DLG2: variants seen among roughly 807,000 people sequenced by gnomAD.
The protein encoded by DLG2 is discs large MAGUK scaffold protein 2.
Under a neutral mutation model 132.5 loss-of-function variants are expected in DLG2, and 45 were observed. The ratio of observed to expected loss-of-function variants is 0.34; its 90% confidence interval spans 0.27 to 0.44. The LOEUF (loss-of-function observed/expected upper bound fraction) is 0.44, where lower values mean the gene tolerates loss of function less well. Ranked by LOEUF, DLG2 falls within the 20% of genes least tolerant of loss-of-function variation. DLG2 has a pLI of 1.00. For missense variants in DLG2, 1,045 were observed against 1,196.9 expected, an observed-to-expected ratio of 0.87 and a Z score of 1.87; for synonymous variants, 424 against 419.6, an observed-to-expected ratio of 1.01 and a Z score of -0.13.
At chr11:84,449,300 C>T (rs866863409) in intron 7 of DLG2, among the ~76,000 whole-genome samples, 3 of 151,746 alleles carry the variant, frequency 2.0e-5, no homozygotes, top group Admixed American at 6.6e-5. Flanking sequence ...ACATACAAAT[C>T]ATTTCATTTT....
At chr11:84,131,748 A>T (rs1178355046) in intron 9 of DLG2, among the ~76,000 whole-genome samples, 1 of 151,806 alleles carries the variant, frequency 6.6e-6, no homozygotes, top group Non-Finnish European at 1.5e-5. Flanking sequence ...CCAACAAAAA[A>T]CCCAAACAGT....
intron 16 of DLG2, among the ~76,000 whole-genome samples, chr11:83,849,634 A>C (rs899097449): frequency 3.9e-5 from 6 of 152,154 alleles, no homozygotes; most frequent in African/African-American, 1.4e-4. Flanking sequence ...TTAATTACAC[A>C]GGAAAACATG....
In DLG2 at chr11:84,528,213, T is replaced by C. The variant is rs1216364109; in HGVS notation, c.519+6357A>G. On this transcript the variant is annotated intron_variant, in intron 7 of 27. Coordinates refer to ENST00000376104, the MANE Select transcript of DLG2 (RefSeq NM_001142699.3). ...TTGTGGTTTATTATAGGCCAATTTC[T>C]TTTATGAAAGATTCTAGGTAGCATC... Among the ~76,000 whole-genome samples, 3 of 152,166 alleles carry C rather than the reference T, an allele frequency of 2.0e-5. No individual in the cohort carries two copies. The East Asian group carries it at 5.8e-4, about 29-fold the overall frequency.
At chr11:85,408,393 T>C (rs2088974814) in intron 3 of DLG2, among the ~76,000 whole-genome samples, 1 of 149,182 alleles carries the variant, frequency 6.7e-6, no homozygotes, top group Non-Finnish European at 1.5e-5. Flanking sequence ...CTATTATTTT[T>C]ATTATTATTA....
intron 3 of DLG2, among the ~76,000 whole-genome samples, chr11:85,464,569 T>C (rs2092720225): frequency 1.3e-5 from 2 of 151,994 alleles, no homozygotes; most frequent in Admixed American, 1.3e-4. Flanking sequence ...AAAAACAATC[T>C]TAGGTACTAT....
intron 6 of DLG2, among the ~76,000 whole-genome samples, chr11:84,991,462 T>C (rs1332777953): frequency 7.5e-6 from 1 of 132,684 alleles, no homozygotes; most frequent in Admixed American, 8.7e-5. Context: ...TGAGCCATGA[T>C]CACACCACTA....
chr11:85,271,946 T>G (rs2077559756), intron 4 of DLG2, among the ~76,000 whole-genome samples: 1 of 152,182 alleles, frequency 6.6e-6, no homozygotes, highest in African/African-American at 2.4e-5. Context: ...GGGAGACTTT[T>G]GGGAAGGCAT....
intron 6 of DLG2, among the ~76,000 whole-genome samples, chr11:85,051,954 TATCA>T (rs1247801790): frequency 3.9e-5 from 6 of 152,266 alleles, no homozygotes; most frequent in Admixed American, 2.0e-4. Flanking sequence ...CTGTAGGTCT[TATCA>T]ATCAAAGTGA....
chr11:83,978,548 C>T (rs1242388817), intron 12 of DLG2, among the ~76,000 whole-genome samples: 1 of 151,978 alleles, frequency 6.6e-6, no homozygotes, highest in African/African-American at 2.4e-5. Context: ...TAAGAACAAA[C>T]TTTTACATCA....
chr11:85,489,714 A>G (rs557998825), intron 3 of DLG2, among the ~76,000 whole-genome samples: 20 of 152,182 alleles, frequency 1.3e-4, no homozygotes, highest in Non-Finnish European at 2.4e-4. Flanking sequence ...CATATCAAGT[A>G]TCTTCTCAGA....
intron 6 of DLG2, among the ~76,000 whole-genome samples, chr11:84,627,235 A>T (rs949219366): frequency 1.3e-5 from 2 of 152,206 alleles, no homozygotes; most frequent in Non-Finnish European, 2.9e-5. Context: ...TGTCAGAGAC[A>T]TTCACTTTAA....
At chr11:84,141,321 T>C (rs1299605384) in intron 9 of DLG2, among the ~76,000 whole-genome samples, 1 of 151,494 alleles carries the variant, frequency 6.6e-6, no homozygotes, top group Non-Finnish European at 1.5e-5. Context: ...ATATAGAATG[T>C]ATATAAATAT....
At chr11:84,562,016 A>G (rs1592400986) in intron 6 of DLG2, among the ~76,000 whole-genome samples, 1 of 152,138 alleles carries the variant, frequency 6.6e-6, no homozygotes, top group Non-Finnish European at 1.5e-5. Flanking sequence ...ATAAATACAT[A>G]CCCCTTATGT....
intron 3 of DLG2, among the ~76,000 whole-genome samples, chr11:85,354,731 T>C (rs1022652252): frequency 6.7e-6 from 1 of 149,886 alleles, no homozygotes; most frequent in Non-Finnish European, 1.5e-5. Context: ...TCACTGTTTC[T>C]CTCTCTCTCT....
At chr11:85,015,936 T>C (rs1262692879) in intron 6 of DLG2, among the ~76,000 whole-genome samples, 5 of 152,122 alleles carry the variant, frequency 3.3e-5, no homozygotes, top group Non-Finnish European at 5.9e-5. Flanking sequence ...ACTAGATTTA[T>C]GAATTGGGAG....
chr11:84,434,615 A>G (rs2098995002), intron 7 of DLG2, among the ~76,000 whole-genome samples: 1 of 152,220 alleles, frequency 6.6e-6, no homozygotes, highest in South Asian at 2.1e-4. Context: ...AAGCTAATGT[A>G]TAAGCTGTAT....
intron 18 of DLG2, among the ~76,000 whole-genome samples, chr11:83,762,842 A>T (rs916392771): frequency 1.3e-5 from 2 of 152,170 alleles, no homozygotes; most frequent in African/African-American, 4.8e-5. Flanking sequence ...CGGCCCTCCA[A>T]AGTGCTGGGA....
At chr11:83,831,237 T>C (rs899237938) in intron 17 of DLG2, among the ~76,000 whole-genome samples, 3 of 152,228 alleles carry the variant, frequency 2.0e-5, no homozygotes, top group Non-Finnish European at 4.4e-5. Flanking sequence ...CTGCCAGTTA[T>C]ATCTTACATA....
At chr11:83,871,519 A>C (rs1199623333) in intron 16 of DLG2, among the ~76,000 whole-genome samples, 1 of 152,230 alleles carries the variant, frequency 6.6e-6, no homozygotes, top group Non-Finnish European at 1.5e-5. Flanking sequence ...GAGAGTTTTC[A>C]AATAATGGGA....
Sources: allele counts gnomAD v4.1 joint callset (sites outside exome capture counted in the v4.1 genomes callset), GRCh38; gene constraint gnomAD v4.1.1; transcripts MANE v1.5; gene names NCBI Gene and HGNC (gene_info 2026-07-23, HGNC 2026-07-21).